ZBTB38: variants seen among roughly 807,000 people sequenced by gnomAD.
The protein encoded by ZBTB38 is zinc finger and BTB domain containing 38, also known as zinc finger and BTB domain-containing protein 38.
A neutral mutation model predicts 76.8 loss-of-function variants in ZBTB38; 20 were observed. The observed-to-expected ratio is 0.26, with a 90% CI of 0.18 to 0.38. The LOEUF is 0.38. ZBTB38 is among the 10% of genes least tolerant of loss of function. The pLI is 1.00. For missense variants in ZBTB38, 1,082 were observed against 1,482.3 expected, an observed-to-expected ratio of 0.73 and a Z score of 4.43; for synonymous variants, 504 against 544.2, an observed-to-expected ratio of 0.93 and a Z score of 1.03.
intron 1 of ZBTB38, among the ~76,000 whole-genome samples, chr3:141,336,032 T>A (rs184865492): frequency 6.4e-4 from 98 of 152,294 alleles, no homozygotes; most frequent in Non-Finnish European, 1.1e-3. Context: ...CTCTTACTAC[T>A]GTGAGTTGAA....
At chr3:141,385,708 G>A (rs1235743979) in intron 3 of ZBTB38, among the ~76,000 whole-genome samples, 1 of 151,810 alleles carries the variant, frequency 6.6e-6, no homozygotes, top group African/African-American at 2.4e-5. Flanking sequence ...AGGAATGAAA[G>A]GGGGTGCATA....
At chr3:141,376,648 C>T (rs981480317) in intron 2 of ZBTB38, among the ~76,000 whole-genome samples, 14 of 152,198 alleles carry the variant, frequency 9.2e-5, no homozygotes, top group African/African-American at 2.9e-4. Flanking sequence ...ACCTTGTTGT[C>T]CTGCACAACT....
intron 3 of ZBTB38, chr3:141,386,185 CT>C (rs1287282029): frequency 2.0e-5 from 3 of 152,162 alleles, no homozygotes; most frequent in African/African-American, 7.2e-5. Context: ...ATACAGTATG[CT>C]GCTGTAAGTC....
rs540538939 is a variant in ZBTB38, at chr3:141,339,578, G to A, written c.-739+15122G>A. Reference sequence around the variant, plus strand: ...AATTTGTGTGTGTTTCGAAGGTAGAGCTGATAAAGCTTTTTGATGAATTGA... The same window carrying A: ...AATTTGTGTGTGTTTCGAAGGTAGAACTGATAAAGCTTTTTGATGAATTGA... On this transcript the variant is annotated intron_variant, in intron 1 of 7. Coordinates refer to the ZBTB38 transcript ENST00000509842. 3.3e-5 allele frequency among the ~76,000 whole-genome samples: 5 copies of A among 152,330 alleles called. No homozygotes were observed. The East Asian group carries it at 9.6e-4, about 29-fold the overall frequency.
intron 1 of ZBTB38, among the ~76,000 whole-genome samples, chr3:141,347,732 G>A (rs955961880): frequency 6.6e-6 from 1 of 152,226 alleles, no homozygotes; most frequent in African/African-American, 2.4e-5. Flanking sequence ...GCAGAGGCCT[G>A]GCTCCAGTTC....
rs546958305 is a variant in ZBTB38 at position 141,381,027 on chromosome 3, T to C, written c.-234-398T>C. The stretch of plus-strand genomic sequence containing the variant: ...CTAGTTGCCAGTCTCTCCAAAAAGA[T>C]GAAACTCTACTTCCTTGCTGAATGT... On this transcript the variant is annotated intron_variant, in intron 2 of 5. Coordinates refer to ENST00000321464, the MANE Select transcript of ZBTB38 (RefSeq NM_001376113.1). Among the ~76,000 whole-genome samples the C allele has an allele frequency of 1.6e-4, 25 of 152,336 alleles. No individual in the cohort carries two copies. In the South Asian group the frequency reaches 5.0e-3, roughly 30 times the overall value.
chr3:141,428,077 G>A (rs1032237935), intron 5 of ZBTB38, among the ~76,000 whole-genome samples: 16 of 152,170 alleles, frequency 1.1e-4, no homozygotes, highest in Non-Finnish European at 1.6e-4. Context: ...ACTGCCACCC[G>A]GGATCAAGGG....
chr3:141,438,061 G>A (rs769299937), intron 5 of ZBTB38, among the ~76,000 whole-genome samples: 4 of 151,470 alleles, frequency 2.6e-5, no homozygotes, highest in Admixed American at 6.6e-5. Flanking sequence ...ACAGGCGCAC[G>A]CCACTATGCC....
At chr3:141,342,424 A>C (rs1943225674) in intron 1 of ZBTB38, among the ~76,000 whole-genome samples, 1 of 150,216 alleles carries the variant, frequency 6.7e-6, no homozygotes, top group East Asian at 1.9e-4. Flanking sequence ...AACAATGGTT[A>C]AATCTAAGCA....
chr3:141,344,591 C>T (rs548837246), intron 1 of ZBTB38, among the ~76,000 whole-genome samples: 1 of 152,260 alleles, frequency 6.6e-6, no homozygotes, highest in Admixed American at 6.5e-5. Context: ...CCAGGCTGAT[C>T]TCAAACTCCT....
At chr3:141,416,143 G>A (rs558303717) in intron 5 of ZBTB38, among the ~76,000 whole-genome samples, 1 of 152,282 alleles carries the variant, frequency 6.6e-6, no homozygotes, top group South Asian at 2.1e-4. Flanking sequence ...TTAATCCCAT[G>A]CTGCCATGGT....
chr3:141,432,753 G>T (rs1469496677), intron 5 of ZBTB38, among the ~76,000 whole-genome samples: 1 of 152,214 alleles, frequency 6.6e-6, no homozygotes, highest in East Asian at 1.9e-4. Context: ...AGGGAGAGAA[G>T]ATTTAATTAA....
chr3:141,377,658 T>C (rs997901035), intron 2 of ZBTB38, among the ~76,000 whole-genome samples: 4 of 152,208 alleles, frequency 2.6e-5, no homozygotes, highest in Admixed American at 2.0e-4. Context: ...TACATGAACA[T>C]TTATAGCAGC....
In ZBTB38 at chr3:141,445,284, C is replaced by T. The variant is rs751298250; in HGVS notation, c.2896C>T (p.Pro966Ser). 6.2e-6 allele frequency: 10 copies of T among 1,614,172 alleles called. No homozygotes were observed. Among genetic ancestry groups the T allele is most frequent in the South Asian group, 1.1e-5 (1 of 91,082 alleles). ...ACTGGATTGCGCCGTGGGGAAGGCT[C>T]CTCAGGATAAACCCTTTGAGGAAGA... ...AELDCAVGKA[P>S]QDKPFEEEET... Residue 966 changes from proline (P) to serine (S), a missense_variant, in exon 6 of 6, where the codon CCT becomes TCT. Physicochemically the swap from Pro to Ser is moderately conservative, Grantham distance 74 (BLOSUM62 -1). Transcript: ENST00000321464. The surrounding 1 kb of genome is among the most constrained non-coding windows in gnomAD (Gnocchi z 6.5).
chr3:141,376,293 A>G (rs974674267), intron 2 of ZBTB38, among the ~76,000 whole-genome samples: 1 of 152,212 alleles, frequency 6.6e-6, no homozygotes, highest in East Asian at 1.9e-4. Flanking sequence ...GATCCCCTGC[A>G]AAGGCACCTG....
At chr3:141,419,031 A>G (rs978000653) in intron 5 of ZBTB38, among the ~76,000 whole-genome samples, 3 of 152,202 alleles carry the variant, frequency 2.0e-5, no homozygotes, top group African/African-American at 7.2e-5. Flanking sequence ...GAGCTACCTG[A>G]GACGGTAATT....
chr3:141,360,857 A>G (rs1413639640), intron 1 of ZBTB38, among the ~76,000 whole-genome samples: 1 of 152,178 alleles, frequency 6.6e-6, no homozygotes, highest in Non-Finnish European at 1.5e-5. Context: ...AACGTTTTCC[A>G]GGGGGCAAAC....
In ZBTB38 at chr3:141,448,838, T is replaced by TA. The variant is rs2081293166; in HGVS notation, c.*2863dup. The TA allele has an allele frequency of 6.6e-6, 1 of 152,196 alleles. No individual in the cohort carries two copies. 9.4% of individuals were successfully genotyped at this position (152,196 alleles called of 1,614,324 possible). On this transcript the variant is annotated 3_prime_UTR_variant, in exon 6 of 6. Transcript: ENST00000321464. ...TTGTTTACATTCCGTGGTACCTACT[T>TA]ACATGCTTAGGAGTCAAATGGATTA...
intron 5 of ZBTB38, among the ~76,000 whole-genome samples, chr3:141,428,667 G>T (rs1164421080): frequency 1.3e-5 from 2 of 151,986 alleles, no homozygotes; most frequent in African/African-American, 4.8e-5. Context: ...GTAGAGACGG[G>T]GTTTCACCAT....
Sources: gnomAD v4.1 joint callset for allele counts (sites outside exome capture counted in the v4.1 genomes callset) on GRCh38, gnomAD v4.1.1 for gene constraint, Gnocchi (gnomAD v3.1) non-coding constraint, MANE v1.5 for transcripts, NCBI Gene and HGNC (gene_info 2026-07-23, HGNC 2026-07-21) for gene names.